Variants in LRFN5 observed in about 807,000 individuals in gnomAD.
LRFN5 encodes leucine-rich repeat and fibronectin type-III domain-containing protein 5.
In LRFN5, 24 loss-of-function variants were observed where a neutral mutation model predicts 45.6. The observed-to-expected ratio is 0.53, with a 90% confidence interval of 0.38 to 0.74. LRFN5 has a LOEUF of 0.74. LRFN5 is among the 30% of genes least tolerant of loss of function. The pLI, the probability that LRFN5 is intolerant of heterozygous loss-of-function variation, is 0.00. For synonymous variants in LRFN5, 340 were observed against 313.8 expected (o/e 1.08, Z -0.88); for missense variants, 776 against 861.5 (o/e 0.90, Z 1.24).
chr14:41,673,517 C>T (rs1296511435), intron 1 of LRFN5, among the ~76,000 whole-genome samples: 125 of 122,248 alleles, frequency 1.0e-3, no homozygotes, highest in Middle Eastern at 6.4e-3. Context: ...CCAGTAGGGG[C>T]GGCCGGGCAG....
intron 1 of LRFN5, among the ~76,000 whole-genome samples, chr14:41,736,579 T>G (rs1024028893): frequency 1.3e-5 from 2 of 152,018 alleles, no homozygotes; most frequent in African/African-American, 4.8e-5. Flanking sequence ...TCTTTTGTTG[T>G]GCAGAAGCTC....
chr14:41,890,534 C>T (rs1437465242), intron 3 of LRFN5, among the ~76,000 whole-genome samples: 1 of 151,584 alleles, frequency 6.6e-6, no homozygotes, highest in African/African-American at 2.4e-5. Context: ...AGTGAAACCC[C>T]GCCTCTACTA....
intron 1 of LRFN5, among the ~76,000 whole-genome samples, chr14:41,728,647 T>G (rs547106612): frequency 1.8e-3 from 270 of 152,282 alleles, no homozygotes; most frequent in African/African-American, 6.2e-3. Context: ...CTCCTAATTC[T>G]TTATCATTAA....
intron 1 of LRFN5, among the ~76,000 whole-genome samples, chr14:41,703,182 ATTAAT>A (rs1252179048): frequency 4.6e-5 from 7 of 152,208 alleles, no homozygotes; most frequent in African/African-American, 1.4e-4. Flanking sequence ...AAACAATTTA[ATTAAT>A]TTAATTCTTC....
intron 2 of LRFN5, among the ~76,000 whole-genome samples, chr14:41,857,815 T>C (rs1407548231): frequency 1.3e-5 from 2 of 152,158 alleles, no homozygotes; most frequent in Non-Finnish European, 2.9e-5. Context: ...AAAATGCCAG[T>C]GAAGACCTCA....
chr14:41,740,207 A>G (rs1884631326), intron 1 of LRFN5, among the ~76,000 whole-genome samples: 1 of 152,082 alleles, frequency 6.6e-6, no homozygotes, highest in East Asian at 1.9e-4. Context: ...GGCAAACTTT[A>G]CCCTAATATT....
At chr14:41,729,552 A>C (rs748210806) in intron 1 of LRFN5, among the ~76,000 whole-genome samples, 1 of 152,272 alleles carries the variant, frequency 6.6e-6, no homozygotes, top group Admixed American at 6.5e-5. Context: ...AGTATTACCT[A>C]TCCTCATTTT....
chr14:41,669,448 G>C (rs1881060348), intron 1 of LRFN5, among the ~76,000 whole-genome samples: 1 of 151,912 alleles, frequency 6.6e-6, no homozygotes, highest in African/African-American at 2.4e-5. Context: ...ATGTAAAATA[G>C]TTATTTCATA....
chr14:41,775,380 C>T (rs539801726), intron 2 of LRFN5, among the ~76,000 whole-genome samples: 2 of 152,098 alleles, frequency 1.3e-5, no homozygotes, highest in African/African-American at 2.4e-5. Flanking sequence ...AGCCACCGCA[C>T]CCGGCAGTTG....
intron 2 of LRFN5, among the ~76,000 whole-genome samples, chr14:41,782,781 G>A (rs772118847): frequency 6.6e-6 from 1 of 152,090 alleles, no homozygotes; most frequent in Non-Finnish European, 1.5e-5. Context: ...GCTTCTCCAA[G>A]TATTTCTCAT....
At chr14:41,699,901 A>G (rs1238197299) in intron 1 of LRFN5, 4 of 152,164 alleles carry the variant, frequency 2.6e-5, no homozygotes, top group Admixed American at 6.6e-5. Flanking sequence ...ATGAACAACT[A>G]AAACTGGTCG....
At chr14:41,863,413 A>G (rs1380807135) in intron 2 of LRFN5, among the ~76,000 whole-genome samples, 1 of 152,188 alleles carries the variant, frequency 6.6e-6, no homozygotes, top group African/African-American at 2.4e-5. Context: ...TTAAGATTAT[A>G]CATTGACCTA....
chr14:41,757,639 T>C (rs949072637), intron 1 of LRFN5, among the ~76,000 whole-genome samples: 7 of 152,194 alleles, frequency 4.6e-5, no homozygotes, highest in Non-Finnish European at 8.8e-5. Flanking sequence ...GACCCAATTT[T>C]CCAGGTGCCA....
chr14:41,903,472 G>T (rs1891159244), intron 5 of LRFN5, among the ~76,000 whole-genome samples: 1 of 151,158 alleles, frequency 6.6e-6, no homozygotes, highest in African/African-American at 2.4e-5. Flanking sequence ...ATCAAGAATA[G>T]ACTTCATTAG....
intron 2 of LRFN5, among the ~76,000 whole-genome samples, chr14:41,816,940 G>A (rs1328914197): frequency 6.7e-6 from 1 of 148,582 alleles, no homozygotes; most frequent in Non-Finnish European, 1.5e-5. Context: ...TTCTCAGTTT[G>A]GGGTTGTTTT....
At chr14:41,836,051 A>G (rs551185834) in intron 2 of LRFN5, among the ~76,000 whole-genome samples, 75 of 152,248 alleles carry the variant, frequency 4.9e-4, no homozygotes, top group African/African-American at 1.6e-3. Flanking sequence ...CTCAGAAATT[A>G]TATGATCTTC....
At chr14:41,810,022 A>G (rs1358937196) in intron 2 of LRFN5, among the ~76,000 whole-genome samples, 1 of 152,074 alleles carries the variant, frequency 6.6e-6, no homozygotes, top group African/African-American at 2.4e-5. Flanking sequence ...ACTAATGTGA[A>G]ACTCAGCTTT....
At chr14:41,739,074 G>A (rs569847911) in intron 1 of LRFN5, among the ~76,000 whole-genome samples, 15 of 152,186 alleles carry the variant, frequency 9.9e-5, no homozygotes, top group Admixed American at 7.2e-4. Context: ...TGACTAAAAT[G>A]GCAGGAAACT....
chr14:41,861,582 C>A (rs755004207), intron 2 of LRFN5, among the ~76,000 whole-genome samples: 39 of 152,236 alleles, frequency 2.6e-4, no homozygotes, highest in Admixed American at 1.2e-3. Context: ...ACTGTCTGGG[C>A]AGAGAGACCT....
Sources: gnomAD v4.1 joint callset for allele counts (sites outside exome capture counted in the v4.1 genomes callset) on GRCh38, gnomAD v4.1.1 for gene constraint, MANE v1.5 for transcripts, NCBI Gene and HGNC (gene_info 2026-07-23, HGNC 2026-07-21) for gene names.